Variants in SMIM22 observed in about 807,000 individuals in gnomAD.
The protein encoded by SMIM22 is small integral membrane protein 22, also known as cancer associated small integral membrane open reading frame 1.
Under a neutral mutation model 8.4 loss-of-function variants are expected in SMIM22, and 16 were observed. That is an observed-to-expected ratio of 1.90 (90% CI 1.29 to 2.89). SMIM22 has a LOEUF of 2.89. Among genes scored for constraint, SMIM22 ranks in the 30% most tolerant of loss-of-function variants. The pLI is 0.00. For synonymous variants in SMIM22, 67 were observed against 47.6 expected (o/e 1.41, Z -1.68); for missense variants, 159 against 107.5 (o/e 1.48, Z -2.12).
In SMIM22 at chr16:4,796,183, C is replaced by T. The variant is rs1464525930; in HGVS notation, c.226-7C>T. On this transcript the variant is annotated splice_region_variant and splice_polypyrimidine_tract_variant and intron_variant, in intron 3 of 3. Coordinates refer to ENST00000586005, the MANE Select transcript of SMIM22 (RefSeq NM_001253794.2). ...ACCTGCTTGGTCCCGCTGTGCTTCT[C>T]GTGCAGGAAAGACCCAAGGGAGTGG... is the stretch of plus-strand genomic sequence containing the variant. 28 of 1,536,040 alleles carry T rather than the reference C, an allele frequency of 1.8e-5. No individual in the cohort carries two copies. Among genetic ancestry groups the T allele is most frequent in the Middle Eastern group, 1.7e-4 (1 of 5,990 alleles).
At position 4,795,442 on chromosome 16, in the gene SMIM22, T is replaced by C; in HGVS notation, c.-28T>C. 1 of 437,026 alleles carries C rather than the reference T, an allele frequency of 2.3e-6. No individual in the cohort carries two copies. The highest frequency in any genetic ancestry group is 4.2e-6 in the Non-Finnish European group (1 of 239,546). The allele number at this position is 437,026 out of a possible 1,614,324, so 27.1% of individuals were successfully genotyped here. A position where few individuals can be genotyped will look rare whatever the true frequency, so the allele number is the denominator to read the frequency against. ...TGCCTGGTTGGGGGAATTGGAGGCT[T>C]CTAGGAGGTAGGTGGGGGCCTGGGG... On this transcript the variant is annotated 5_prime_UTR_variant, in exon 1 of 4. Coordinates refer to ENST00000586005, the MANE Select transcript of SMIM22 (RefSeq NM_001253794.2).
At chr16:4,792,916 C>T (rs1237897572), upstream of SMIM22, among the ~76,000 whole-genome samples, 4 of 151,560 alleles carry the variant, frequency 2.6e-5, no homozygotes, top group East Asian at 1.9e-4. Context: ...TTGAGACCAG[C>T]CTGGCCAACA....
chr16:4,794,862 TATA>T (rs2082607790), upstream of SMIM22: 2 of 152,248 alleles, frequency 1.3e-5, no homozygotes, highest in South Asian at 4.1e-4. Flanking sequence ...CCAGGCCAAA[TATA>T]TTAAGTATTA....
In SMIM22 at chr16:4,796,273, C is replaced by G. The variant is rs867167791; in HGVS notation, c.*42C>G. ...CGGTGGCAGTAACAAAGCCTTCTGT[C>G]TGCCCAGAGCCTGAGTCTGCAGTGT... On this transcript the variant is annotated 3_prime_UTR_variant, in exon 4 of 4. Coordinates refer to ENST00000586005, the MANE Select transcript of SMIM22 (RefSeq NM_001253794.2). 2 of 1,532,776 alleles carry G rather than the reference C, an allele frequency of 1.3e-6. No individual in the cohort carries two copies. The highest frequency in any genetic ancestry group is 1.7e-6 in the Non-Finnish European group (2 of 1,145,160). 94.9% of individuals were successfully genotyped at this position (1,532,776 alleles called of 1,614,324 possible).
upstream of SMIM22, among the ~76,000 whole-genome samples, chr16:4,794,255 G>A (rs1369084312): frequency 1.3e-5 from 2 of 151,714 alleles, no homozygotes; most frequent in South Asian, 2.1e-4. Context: ...CTATAGGCGC[G>A]TGCCACCATG....
At chr16:4,791,370 C>T (rs374586112), upstream of SMIM22, among the ~76,000 whole-genome samples, 1 of 152,176 alleles carries the variant, frequency 6.6e-6, no homozygotes, top group African/African-American at 2.4e-5. Flanking sequence ...CACGTCAACA[C>T]GGCGATAATA....
chr16:4,796,113 G>A, intron 3 of SMIM22, 65 bp downstream of exon 3: 1 of 1,533,832 alleles, frequency 6.5e-7, no homozygotes, highest in Non-Finnish European at 8.7e-7. Context: ...GAAGGTGAGG[G>A]GAGTGGCGGG....
chr16:4,792,636 T>C (rs1438856914), upstream of SMIM22, among the ~76,000 whole-genome samples: 1 of 151,048 alleles, frequency 6.6e-6, no homozygotes, highest in Non-Finnish European at 1.5e-5. Flanking sequence ...ACCCCGTCTC[T>C]ACTGAAAACA....
chr16:4,796,440 G>C lies in SMIM22; in HGVS notation c.*209G>C, dbSNP rs543414571. ...CTGGGAGGGGAGCTGGTCTCAGGCC[G>C]GGCGCGGTGGCTCACACCTATAATC... On this transcript the variant is annotated 3_prime_UTR_variant, in exon 4 of 4. Transcript: ENST00000586005. 3 of 618,434 alleles carry C rather than the reference G, an allele frequency of 4.9e-6. No individual in the cohort carries two copies. The highest frequency in any genetic ancestry group is 5.7e-5 in the East Asian group (2 of 35,104). The allele number at this position is 618,434 out of a possible 1,614,324, so 38.3% of individuals were successfully genotyped here.
chr16:4,792,214 A>G (rs538376381), upstream of SMIM22, among the ~76,000 whole-genome samples: 7 of 151,166 alleles, frequency 4.6e-5, no homozygotes, highest in Admixed American at 1.3e-4. Context: ...TTTTTGAGAC[A>G]GAGTCTCGCT....
chr16:4,792,472 G>A (rs1313466412), upstream of SMIM22, among the ~76,000 whole-genome samples: 1 of 148,588 alleles, frequency 6.7e-6, no homozygotes, highest in Non-Finnish European at 1.5e-5. Flanking sequence ...TTACAGGCAT[G>A]AGCCACCGCG....
Position 4,796,201 on chromosome 16 carries a change from G to T in SMIM22, c.237G>T (p.Lys79Asn), listed in dbSNP as rs2141901401. Residue 79 changes from lysine to asparagine, a missense_variant, in exon 4 of 4, where the codon AAG (lysine) becomes AAT (asparagine). Lys to Asn is a moderately conservative substitution (Grantham distance 94, BLOSUM62 0). Coordinates refer to ENST00000586005, the MANE Select transcript of SMIM22 (RefSeq NM_001253794.2). ...TGCTTCTCGTGCAGGAAAGACCCAA[G>T]GGAGTGGATAACTTGGCCCTGGAAC... Reference protein sequence around the residue: ...RKVSPWKERPKGVDNLALEP With the variant: ...RKVSPWKERPNGVDNLALEP 6.5e-7 allele frequency: 1 copy of T among 1,535,996 alleles called. No homozygotes were observed. Among genetic ancestry groups the T allele is most frequent in the Non-Finnish European group, 8.7e-7 (1 of 1,146,856 alleles).
upstream of SMIM22, among the ~76,000 whole-genome samples, chr16:4,793,848 C>T (rs973842206): frequency 9.9e-5 from 15 of 152,170 alleles, no homozygotes; most frequent in Non-Finnish European, 1.9e-4. Flanking sequence ...GCCATCTTGG[C>T]TCACTGCAGC....
upstream of SMIM22, among the ~76,000 whole-genome samples, chr16:4,793,694 G>A (rs559666404): frequency 2.0e-5 from 3 of 152,262 alleles, no homozygotes; most frequent in East Asian, 5.8e-4. Flanking sequence ...ATCTCTATTG[G>A]ACATGTACAG....
In SMIM22 at chr16:4,795,787, G is replaced by A. The variant is rs534676233; in HGVS notation, c.53G>A (p.Arg18Lys). Residue 18 changes from arginine to lysine, a missense_variant, in exon 2 of 4, where the codon AGA (arginine) becomes AAA (lysine). Arg to Lys is a conservative substitution (Grantham distance 26). Coordinates refer to ENST00000586005, the MANE Select transcript of SMIM22 (RefSeq NM_001253794.2). Reference protein sequence around the residue: ...LEATVQEVLGRLKSHQFFQST... With the variant: ...LEATVQEVLGKLKSHQFFQST... ...GCCACGGTTCAGGAAGTCCTGGGGA[G>A]ACTGAAGAGCCACCAGTTTTTCCAG... 2.4e-5 allele frequency: 37 copies of A among 1,535,844 alleles called. No individual in the cohort carries two copies. The highest frequency in any genetic ancestry group is 2.1e-5 in the Non-Finnish European group (24 of 1,146,822).
chr16:4,788,953 T>C (rs1374735898), intron 2 of SMIM22, among the ~76,000 whole-genome samples: 1 of 152,220 alleles, frequency 6.6e-6, no homozygotes, highest in Non-Finnish European at 1.5e-5. Context: ...CCTCTTTAAA[T>C]AGGCCATGTG....
intron 2 of SMIM22, chr16:4,788,916 AGAGGTTATCACCCT>A (rs924381913): frequency 6.6e-6 from 1 of 152,202 alleles, no homozygotes; most frequent in African/African-American, 2.4e-5. Flanking sequence ...GGTGTATCTT[AGAGGTTATCACCCT>A]GACTTGAGAT....
rs1452062875 is a variant in SMIM22 at position 4,795,818 on chromosome 16, A to T, written c.84A>T (p.Thr28=). 6.5e-7 allele frequency: 1 copy of T among 1,535,820 alleles called. No homozygotes were observed. Among genetic ancestry groups the T allele is most frequent in the Admixed American group, 2.0e-5 (1 of 50,974 alleles). ...RLKSHQFFQS[T]WDTVAFIVFL... ...AGAGCCACCAGTTTTTCCAGTCCAC[A>T]TGGGACACTGTTGCCTTCATTGTTT... The change falls in exon 2 of 4, where the codon ACA becomes ACT. Residue 28 remains threonine (T), a synonymous_variant. Transcript: ENST00000586005.
At chr16:4,790,284 C>T (rs977547541) in intron 2 of SMIM22, among the ~76,000 whole-genome samples, 1 of 152,172 alleles carries the variant, frequency 6.6e-6, no homozygotes, top group Admixed American at 6.5e-5. Flanking sequence ...TGCAACTTTT[C>T]ATTGCAGTGA....
Sources: gnomAD v4.1 joint callset for allele counts (sites outside exome capture counted in the v4.1 genomes callset) on GRCh38, gnomAD v4.1.1 for gene constraint, MANE v1.5 for transcripts, NCBI Gene and HGNC (gene_info 2026-07-23, HGNC 2026-07-21) for gene names.